Variants in CEP43 observed in about 807,000 individuals in gnomAD.
CEP43 encodes FGFR1 oncogene partner.
A neutral mutation model predicts 52.6 loss-of-function variants in CEP43; 36 were observed. The observed-to-expected ratio is 0.68, with a 90% CI of 0.52 to 0.90. CEP43 has a LOEUF of 0.90. Ranked by LOEUF, CEP43 falls within the 40% of genes least tolerant of loss-of-function variation. The pLI, the probability that CEP43 is intolerant of heterozygous loss-of-function variation, is 0.00. For missense variants in CEP43, 506 were observed against 472.8 expected (o/e 1.07, Z -0.65); for synonymous variants, 192 against 172.4 (o/e 1.11, Z -0.89).
chr6:167,008,665 C>T (rs374899954), intron 5 of CEP43, among the ~76,000 whole-genome samples: 125 of 151,798 alleles, frequency 8.2e-4, no homozygotes, highest in African/African-American at 2.6e-3. Context: ...TTAGTAGAGA[C>T]GGGGTTTCAC....
intron 12 of CEP43, among the ~76,000 whole-genome samples, chr6:167,035,857 G>A (rs1381313639): frequency 2.0e-5 from 3 of 152,146 alleles, no homozygotes; most frequent in East Asian, 1.9e-4. Flanking sequence ...GTGAGCCACC[G>A]CGCCCAGCAA....
At chr6:167,025,439 A>G (rs1222993866) in intron 9 of CEP43, among the ~76,000 whole-genome samples, 1 of 152,198 alleles carries the variant, frequency 6.6e-6, no homozygotes, top group Non-Finnish European at 1.5e-5. Flanking sequence ...CAGTGATAGG[A>G]ATTTAAAAAG....
At chr6:167,000,505 A>G (rs1779710042) in intron 2 of CEP43, among the ~76,000 whole-genome samples, 1 of 152,216 alleles carries the variant, frequency 6.6e-6, no homozygotes, top group South Asian at 2.1e-4. Context: ...CCACTCAATT[A>G]TTTTGACAAT....
intron 4 of CEP43, 63 bp from the exon 5 acceptor site, chr6:167,004,201 T>C (rs2128657442): frequency 6.6e-7 from 1 of 1,506,318 alleles, no homozygotes; most frequent in East Asian, 2.3e-5. Flanking sequence ...AAATATCTTC[T>C]TTACTCCTTG....
At position 167,041,754 on chromosome 6, in the gene CEP43, GATA is replaced by G. The variant is rs1780700085; in HGVS notation, c.*1780_*1782del. The G allele has an allele frequency of 1.1e-5, 11 of 983,594 alleles. No individual in the cohort carries two copies. The highest frequency in any genetic ancestry group is 1.3e-5 in the Non-Finnish European group (11 of 834,206). 60.9% of individuals were successfully genotyped at this position (983,594 alleles called of 1,614,324 possible). ...TGTTACGCAGAGAATCAGACCTTTT[GATA>G]ATATTTGGGAGGGTAAAAGAAATAT... On this transcript the variant is annotated 3_prime_UTR_variant, in exon 13 of 13. Transcript: ENST00000366847.
chr6:167,009,941 A>C (rs945359078), intron 5 of CEP43, among the ~76,000 whole-genome samples: 8 of 152,234 alleles, frequency 5.3e-5, no homozygotes, highest in African/African-American at 1.7e-4. Flanking sequence ...GCAAGGTCAC[A>C]GAAGGCAATA....
At chr6:167,023,011 G>A (rs941238001) in intron 8 of CEP43, among the ~76,000 whole-genome samples, 4 of 152,282 alleles carry the variant, frequency 2.6e-5, no homozygotes, top group East Asian at 1.9e-4. Flanking sequence ...ATGGGAGCCC[G>A]AGTGTGTGGT....
At chr6:167,015,576 C>T (rs972245721) in intron 7 of CEP43, among the ~76,000 whole-genome samples, 3 of 152,202 alleles carry the variant, frequency 2.0e-5, no homozygotes, top group African/African-American at 7.2e-5. Flanking sequence ...GCCTGTCCTG[C>T]AGACGTGAAC....
intron 10 of CEP43, among the ~76,000 whole-genome samples, chr6:167,028,776 C>T (rs1780406801): frequency 6.6e-6 from 1 of 152,134 alleles, no homozygotes; most frequent in Non-Finnish European, 1.5e-5. Context: ...CACACAGAGC[C>T]CTCACCACTG....
rs551582334 is a variant in CEP43 at position 167,048,781 on chromosome 6, A to C, written c.*8803A>C. 5.3e-5 allele frequency: 8 copies of C among 152,362 alleles called. No individual in the cohort carries two copies. In the South Asian group the frequency reaches 1.4e-3, roughly 28 times the overall value. The allele number at this position is 152,362 out of a possible 1,614,324, so 9.4% of individuals were successfully genotyped here. A position where few individuals can be genotyped will look rare whatever the true frequency, so the allele number is the denominator to read the frequency against. On this transcript the variant is annotated 3_prime_UTR_variant, in exon 13 of 13. Coordinates refer to ENST00000366847, the MANE Select transcript of CEP43 (RefSeq NM_007045.4). ...GCCATTATGATGACATTAATGAAAAATTGGTTAATGAATGTCATTGAAAGA... is the reference window on the plus strand; with the variant it reads ...GCCATTATGATGACATTAATGAAAACTTGGTTAATGAATGTCATTGAAAGA...
chr6:167,026,147 G>A (rs1490777177), intron 9 of CEP43, among the ~76,000 whole-genome samples: 1 of 152,156 alleles, frequency 6.6e-6, no homozygotes, highest in Non-Finnish European at 1.5e-5. Flanking sequence ...GGTGGATCAC[G>A]AGGTCAGGAG....
chr6:167,022,078 G>A (rs1287247894), intron 7 of CEP43, among the ~76,000 whole-genome samples: 2 of 152,210 alleles, frequency 1.3e-5, no homozygotes, highest in Non-Finnish European at 2.9e-5. Context: ...CAATGGGAAA[G>A]TGTTTATAAA....
chr6:167,028,633 C>T (rs1171474728), intron 10 of CEP43: 4 of 291,418 alleles, frequency 1.4e-5, no homozygotes, highest in Non-Finnish European at 2.0e-5. Flanking sequence ...GTGCCTGGCA[C>T]TGTACCAAGG....
chr6:167,005,707 T>TA (rs1278856213), intron 5 of CEP43, among the ~76,000 whole-genome samples: 8 of 152,196 alleles, frequency 5.3e-5, no homozygotes, highest in African/African-American at 1.9e-4. Context: ...ATTTGATAGA[T>TA]ACTGTGCTGG....
rs1446365259 is a variant in CEP43 at position 167,004,225 on chromosome 6, C to G, written c.301-39C>G. 4 of 1,571,214 alleles carry G rather than the reference C, an allele frequency of 2.5e-6. No individual in the cohort carries two copies. In the South Asian group the frequency reaches 4.8e-5, roughly 19 times the overall value. On this transcript the variant is annotated intron_variant, in intron 4 of 12. Transcript: ENST00000366847. Reference sequence around the variant, plus strand: ...CTTTACTCCTTGAGAATAACTTCTGCTATTTTTTTGTGCACTTGTATTTTA... The same window carrying G: ...CTTTACTCCTTGAGAATAACTTCTGGTATTTTTTTGTGCACTTGTATTTTA...
At chr6:167,018,168 A>G (rs1337415635) in intron 7 of CEP43, among the ~76,000 whole-genome samples, 1 of 152,166 alleles carries the variant, frequency 6.6e-6, no homozygotes, top group African/African-American at 2.4e-5. Context: ...CCCCCCAGCA[A>G]GGATACCACT....
chr6:167,016,648 T>C (rs1207719353), intron 7 of CEP43, among the ~76,000 whole-genome samples: 1 of 152,236 alleles, frequency 6.6e-6, no homozygotes. Flanking sequence ...TTTGTATCTT[T>C]GGCAGTCACC....
intron 1 of CEP43, 73 bp from the exon 2 acceptor site, chr6:166,999,987 G>T: frequency 7.5e-7 from 1 of 1,340,236 alleles, no homozygotes; most frequent in Non-Finnish European, 1.1e-6. Flanking sequence ...CGTGTTTGTT[G>T]CTGGATAAAT....
intron 5 of CEP43, among the ~76,000 whole-genome samples, chr6:167,009,657 C>T (rs1779940158): frequency 6.9e-6 from 1 of 144,880 alleles, no homozygotes; most frequent in Non-Finnish European, 1.5e-5. Context: ...AAGAATGAAA[C>T]TCCGTCTCAA....
Sources: allele counts gnomAD v4.1 joint callset (sites outside exome capture counted in the v4.1 genomes callset), GRCh38; gene constraint gnomAD v4.1.1; transcripts MANE v1.5; gene names NCBI Gene and HGNC (gene_info 2026-07-23, HGNC 2026-07-21).